CPNE5: variants seen among roughly 807,000 people sequenced by gnomAD.
CPNE5 encodes copine 5.
In CPNE5, 42 loss-of-function variants were observed where a neutral mutation model predicts 81.1. That is an observed-to-expected ratio of 0.52 (90% CI 0.40 to 0.67). The LOEUF (loss-of-function observed/expected upper bound fraction) is 0.67, where lower values mean the gene tolerates loss of function less well. Ranked by LOEUF, CPNE5 falls within the 30% of genes least tolerant of loss-of-function variation. CPNE5 has a pLI of 0.00. For missense variants in CPNE5, 612 were observed against 815.5 expected (o/e 0.75, Z 3.04); for synonymous variants, 313 against 321.5 (o/e 0.97, Z 0.28).
Position 36,766,661 on chromosome 6 carries a change from C to G in CPNE5, c.738-1285G>C, listed in dbSNP as rs974830749. 6.6e-6 allele frequency among the ~76,000 whole-genome samples: 1 copy of G among 152,002 alleles called. No homozygotes were observed. The highest frequency in any genetic ancestry group is 2.4e-5 in the African/African-American group (1 of 41,356). ...GACGGCCCTACGCTTGGACCTGGGC[C>G]CCTCACTATGGGACCTGAGATGTCA... On this transcript the variant is annotated intron_variant, in intron 10 of 20. Transcript: ENST00000244751. The surrounding 1 kb of genome is among the most constrained non-coding windows in gnomAD (Gnocchi z 4.2).
chr6:36,753,174 A>T, intron 13 of CPNE5, 79 bp from the exon 14 acceptor site: 1 of 1,182,986 alleles, frequency 8.5e-7, no homozygotes, highest in East Asian at 2.4e-5. Flanking sequence ...GCTGACATTG[A>T]CAGAACACTC....
chr6:36,825,234 T>G (rs1206239160), intron 1 of CPNE5, among the ~76,000 whole-genome samples: 3 of 152,080 alleles, frequency 2.0e-5, no homozygotes, highest in African/African-American at 7.2e-5. Context: ...AATCAACAGA[T>G]GGACAAACGC....
At chr6:36,782,018 G>A (rs533646834) in intron 8 of CPNE5, among the ~76,000 whole-genome samples, 223 of 152,278 alleles carry the variant, frequency 1.5e-3, no homozygotes, top group South Asian at 2.9e-3. Context: ...CAGTTTCCTC[G>A]TCTGTGGAGC....
intron 8 of CPNE5, 54 bp from the exon 9 acceptor site, chr6:36,779,011 C>G (rs1160997704): frequency 4.1e-6 from 5 of 1,233,420 alleles, no homozygotes; most frequent in Admixed American, 1.7e-5. Flanking sequence ...GGAAGCACAG[C>G]TCCCAGACCC....
At chr6:36,810,323 A>C (rs1320217285) in intron 3 of CPNE5, among the ~76,000 whole-genome samples, 1 of 152,030 alleles carries the variant, frequency 6.6e-6, no homozygotes, top group East Asian at 1.9e-4. Flanking sequence ...CAAGCTGCTC[A>C]CCCTTCCCCA....
At chr6:36,784,549 G>A (rs1768348092) in intron 8 of CPNE5, among the ~76,000 whole-genome samples, 2 of 152,210 alleles carry the variant, frequency 1.3e-5, no homozygotes, top group Admixed American at 1.3e-4. Flanking sequence ...AGATGGACAG[G>A]GCCAGCAGGA....
chr6:36,746,201 A>G lies in CPNE5; in HGVS notation c.1200+195T>C, dbSNP rs576560168. 99 of 985,382 alleles carry G rather than the reference A, an allele frequency of 1.0e-4. No homozygotes were observed. The South Asian group carries it at 2.2e-3, about 22-fold the overall frequency. The allele number at this position is 985,382 out of a possible 1,614,324, so 61.0% of individuals were successfully genotyped here. Reference sequence around the variant, plus strand: ...CAGCTGTGGGCAGGCAGCTTCAGACATGGAGGGGCAGCATCTGTGATCAGG... The same window carrying G: ...CAGCTGTGGGCAGGCAGCTTCAGACGTGGAGGGGCAGCATCTGTGATCAGG... On this transcript the variant is annotated intron_variant, in intron 16 of 20. Transcript: ENST00000244751. The surrounding 1 kb of genome is among the most constrained non-coding windows in gnomAD (Gnocchi z 4.5).
intron 3 of CPNE5, among the ~76,000 whole-genome samples, chr6:36,811,097 C>A (rs767505842): frequency 6.6e-6 from 1 of 152,174 alleles, no homozygotes. Context: ...GGGGAACGAC[C>A]CTTTACCAAT....
chr6:36,827,942 T>C (rs547858737), intron 1 of CPNE5, among the ~76,000 whole-genome samples: 2 of 152,322 alleles, frequency 1.3e-5, no homozygotes, highest in South Asian at 4.1e-4. Context: ...TTGGCTTCTT[T>C]TGTTCCTTAA....
At chr6:36,745,294 T>C in intron 17 of CPNE5, 94 bp downstream of exon 17, 1 of 1,490,844 alleles carries the variant, frequency 6.7e-7, no homozygotes, top group East Asian at 2.3e-5. Context: ...GGCAAGTGCG[T>C]GGGAAGAGAA....
intron 14 of CPNE5, among the ~76,000 whole-genome samples, chr6:36,751,081 T>C (rs1327556957): frequency 6.6e-6 from 1 of 152,212 alleles, no homozygotes; most frequent in East Asian, 1.9e-4. Flanking sequence ...AGAGGATCCC[T>C]AGACATCAGC....
chr6:36,837,821 C>T (rs1773652803), intron 1 of CPNE5, among the ~76,000 whole-genome samples: 1 of 151,974 alleles, frequency 6.6e-6, no homozygotes, highest in South Asian at 2.1e-4. Context: ...TGATTGAAGG[C>T]TGGGAGGGAG....
At chr6:36,794,173 A>AG (rs929927453) in intron 7 of CPNE5, among the ~76,000 whole-genome samples, 1 of 108,540 alleles carries the variant, frequency 9.2e-6, no homozygotes, top group Non-Finnish European at 1.8e-5. Flanking sequence ...GGAGGGGAAC[A>AG]GGGGGGAAAG....
At chr6:36,744,141 C>T (rs921192105) in intron 19 of CPNE5, 127 bp downstream of exon 19, 30 of 798,302 alleles carry the variant, frequency 3.8e-5, no homozygotes, top group South Asian at 2.6e-4. Flanking sequence ...CACGCCCAGG[C>T]GGGAGCTCTC....
At chr6:36,828,489 A>G (rs148267325) in intron 1 of CPNE5, among the ~76,000 whole-genome samples, 176 of 152,252 alleles carry the variant, frequency 1.2e-3, no homozygotes, top group African/African-American at 4.0e-3. Context: ...TGAACTGACC[A>G]TCACGCATCC....
intron 1 of CPNE5, among the ~76,000 whole-genome samples, chr6:36,836,588 C>T (rs1305589086): frequency 6.6e-6 from 1 of 152,182 alleles, no homozygotes; most frequent in East Asian, 1.9e-4. Context: ...ACTCAGATGC[C>T]CAGGGCAGAG....
rs1773798744 is a variant in CPNE5, at chr6:36,839,067, C to G, written c.95+216G>C. Among the ~76,000 whole-genome samples the G allele has an allele frequency of 6.6e-6, 1 of 152,238 alleles. No individual in the cohort carries two copies. Among genetic ancestry groups the G allele is most frequent in the Non-Finnish European group, 1.5e-5 (1 of 68,046 alleles). On this transcript the variant is annotated intron_variant, in intron 1 of 20. Transcript: ENST00000244751. This position sits in a 1 kb window ranked among gnomAD's most constrained non-coding sequence, Gnocchi z 7.3. ...TCGATGCAACAGCCTGGAGCGCAAA[C>G]TTTCTGGGATATGACCCCAGCCTGG... is the stretch of plus-strand genomic sequence containing the variant.
chr6:36,746,643 A>C lies in CPNE5; in HGVS notation c.1019-66T>G. 6.8e-7 allele frequency: 1 copy of C among 1,464,688 alleles called. No individual in the cohort carries two copies. Among genetic ancestry groups the C allele is most frequent in the Non-Finnish European group, 9.3e-7 (1 of 1,078,548 alleles). The allele number at this position is 1,464,688 out of a possible 1,614,324, so 90.7% of individuals were successfully genotyped here. A position where few individuals can be genotyped will look rare whatever the true frequency, so the allele number is the denominator to read the frequency against. On this transcript the variant is annotated intron_variant, in intron 15 of 20. Transcript: ENST00000244751. The surrounding 1 kb of genome is among the most constrained non-coding windows in gnomAD (Gnocchi z 4.5). ...TCCAAGTCACCCCGGGTTCAGAATG[A>C]AGAAGGGGGTGTCCAAGGGCACCCC...
chr6:36,760,359 ACCT>A (rs1196165334), intron 12 of CPNE5, among the ~76,000 whole-genome samples: 2 of 151,826 alleles, frequency 1.3e-5, no homozygotes, highest in Non-Finnish European at 2.9e-5. Flanking sequence ...ATCTCTTCCC[ACCT>A]CCCATGTGCG....
Sources: gnomAD v4.1 joint callset for allele counts (sites outside exome capture counted in the v4.1 genomes callset) on GRCh38, gnomAD v4.1.1 for gene constraint, Gnocchi (gnomAD v3.1) non-coding constraint, MANE v1.5 for transcripts, NCBI Gene and HGNC (gene_info 2026-07-23, HGNC 2026-07-21) for gene names.